Variants in GLRA1 observed in about 807,000 individuals in gnomAD.
GLRA1 encodes glycine receptor subunit alpha-1.
A neutral mutation model predicts 48.3 loss-of-function variants in GLRA1; 37 were observed. That is an observed-to-expected ratio of 0.77 (90% confidence interval 0.59 to 1.01). The LOEUF (loss-of-function observed/expected upper bound fraction) is 1.01, where lower values mean the gene tolerates loss of function less well. Among genes scored for constraint, GLRA1 ranks in the 50% least tolerant of loss-of-function variants. GLRA1 has a pLI of 0.00. For missense variants in GLRA1, 427 were observed against 571.0 expected (o/e 0.75, Z 2.57); for synonymous variants, 196 against 210.7 (o/e 0.93, Z 0.60).
intron 3 of GLRA1, among the ~76,000 whole-genome samples, chr5:151,881,192 C>T (rs114134237): frequency 6.6e-6 from 1 of 152,226 alleles, no homozygotes; most frequent in African/African-American, 2.4e-5. Flanking sequence ...CACACACTTA[C>T]ACACATTTGT....
intron 1 of GLRA1, among the ~76,000 whole-genome samples, chr5:151,911,600 G>GTTTTTTTT (rs768033241): frequency 8.7e-5 from 8 of 92,360 alleles, no homozygotes; most frequent in South Asian, 3.5e-4. Context: ...CCAAGCTAGA[G>GTTTTTTTT]TTTTTTTTTT....
chr5:151,919,954 C>A (rs1368850035), intron 1 of GLRA1, among the ~76,000 whole-genome samples: 6 of 152,220 alleles, frequency 3.9e-5, no homozygotes, highest in Admixed American at 3.9e-4. Flanking sequence ...TGTCGCAGGA[C>A]GCGCGAACAG....
chr5:151,873,547 C>G (rs989066023), intron 3 of GLRA1, among the ~76,000 whole-genome samples: 38 of 151,680 alleles, frequency 2.5e-4, no homozygotes, highest in African/African-American at 9.2e-4. Context: ...GTAATCCCAG[C>G]TACTCAGGAG....
rs1165309915 is a variant in GLRA1 at position 151,840,656 on chromosome 5, AAGT to A, written c.912+10731_912+10733del. Among the ~76,000 whole-genome samples, 21 of 152,146 alleles carry A rather than the reference AAGT, an allele frequency of 1.4e-4. No individual in the cohort carries two copies. In the South Asian group the frequency reaches 4.1e-3, roughly 30 times the overall value. On this transcript the variant is annotated intron_variant, in intron 7 of 8. Coordinates refer to ENST00000274576, the MANE Select transcript of GLRA1 (RefSeq NM_000171.4). The stretch of plus-strand genomic sequence containing the variant: ...AGATTCAAAGACACAACTAGGATAA[AAGT>A]AGAAGAATGGAAAAAACATACCATG...
At chr5:151,869,637 C>T (rs1189604588) in intron 3 of GLRA1, among the ~76,000 whole-genome samples, 1 of 149,622 alleles carries the variant, frequency 6.7e-6, no homozygotes, top group Non-Finnish European at 1.5e-5. Context: ...ACTGCTTGAA[C>T]CTGGAAGGTG....
At chr5:151,922,536 C>T (rs905753516) in intron 1 of GLRA1, among the ~76,000 whole-genome samples, 9 of 152,238 alleles carry the variant, frequency 5.9e-5, no homozygotes, top group Non-Finnish European at 1.3e-4. Context: ...ATTTCCAGCT[C>T]TCCACAGTTA....
At chr5:151,864,348 G>A (rs1340958080) in intron 3 of GLRA1, among the ~76,000 whole-genome samples, 2 of 152,194 alleles carry the variant, frequency 1.3e-5, no homozygotes, top group Non-Finnish European at 2.9e-5. Context: ...GGCAGCAGGC[G>A]CCGTTCTAGA....
chr5:151,888,823 G>A (rs1171966113), intron 2 of GLRA1, among the ~76,000 whole-genome samples: 1 of 152,190 alleles, frequency 6.6e-6, no homozygotes, highest in African/African-American at 2.4e-5. Flanking sequence ...AACTCATTTT[G>A]TCTTAAGCAG....
chr5:151,861,459 G>T (rs1286100335), intron 3 of GLRA1, among the ~76,000 whole-genome samples: 1 of 152,266 alleles, frequency 6.6e-6, no homozygotes, highest in Non-Finnish European at 1.5e-5. Flanking sequence ...GTTTTGATTT[G>T]CATTTCTCTG....
rs1753240864 is a variant in GLRA1 at position 151,862,864 on chromosome 5, A to G, written c.253-2856T>C. 1.3e-5 allele frequency among the ~76,000 whole-genome samples: 2 copies of G among 152,152 alleles called. 1 individual carries two copies. Among genetic ancestry groups the G allele is most frequent in the South Asian group, 4.1e-4 (2 of 4,822 alleles). ...CCTCCCACATTTTTTTTGTCTAGAT[A>G]AAGAGACTGAAGTCCAGGGAGAATT... On this transcript the variant is annotated intron_variant, in intron 3 of 8. Coordinates refer to ENST00000274576, the MANE Select transcript of GLRA1 (RefSeq NM_000171.4).
chr5:151,850,857 CT>C (rs1752886856), intron 7 of GLRA1: 2 of 674,214 alleles, frequency 3.0e-6, no homozygotes, highest in Non-Finnish European at 5.5e-6. Context: ...ACTCTTCCCC[CT>C]CTCCCAATTG....
At chr5:151,833,700 C>A in intron 7 of GLRA1, among the ~76,000 whole-genome samples, 1 of 150,966 alleles carries the variant, frequency 6.6e-6, no homozygotes, top group African/African-American at 2.4e-5. Flanking sequence ...TGACCTCAGG[C>A]TATCCACCTG....
At chr5:151,906,626 T>C (rs1036233520) in intron 1 of GLRA1, among the ~76,000 whole-genome samples, 11 of 152,192 alleles carry the variant, frequency 7.2e-5, no homozygotes, top group African/African-American at 2.7e-4. Context: ...CTTAATAAAA[T>C]AATTTTTTTG....
At chr5:151,830,497 G>C (rs559670777) in intron 7 of GLRA1, among the ~76,000 whole-genome samples, 49 of 152,202 alleles carry the variant, frequency 3.2e-4, no homozygotes, top group Non-Finnish European at 5.7e-4. Context: ...GAATTCCCGG[G>C]AAGACTTGAG....
At chr5:151,884,434 A>AAAACAAAACAAAACAAAACT (rs1459818370) in intron 3 of GLRA1, among the ~76,000 whole-genome samples, 1 of 151,812 alleles carries the variant, frequency 6.6e-6, no homozygotes, top group Non-Finnish European at 1.5e-5. Context: ...GTCTCAAAAC[A>AAAACAAAACAAAACAAAACT]AAACAAAACA....
chr5:151,823,364 T>C (rs897834944), intron 8 of GLRA1, among the ~76,000 whole-genome samples: 2 of 152,188 alleles, frequency 1.3e-5, no homozygotes, highest in Non-Finnish European at 2.9e-5. Flanking sequence ...CCATCAGAGG[T>C]TATAATTGAG....
intron 1 of GLRA1, among the ~76,000 whole-genome samples, chr5:151,910,644 T>G (rs28579965): frequency 0.019 from 2,832 of 152,282 alleles, 45 homozygotes; most frequent in South Asian, 0.072. Flanking sequence ...GGATGAATCA[T>G]TTTTCCCCTC....
At chr5:151,839,161 C>G (rs939551180) in intron 7 of GLRA1, among the ~76,000 whole-genome samples, 6 of 152,190 alleles carry the variant, frequency 3.9e-5, no homozygotes, top group African/African-American at 1.4e-4. Flanking sequence ...TTCTGTATCC[C>G]TTAAAAATGA....
At chr5:151,865,500 G>A (rs909671929) in intron 3 of GLRA1, among the ~76,000 whole-genome samples, 1 of 152,104 alleles carries the variant, frequency 6.6e-6, no homozygotes, top group African/African-American at 2.4e-5. Context: ...CACATGCAGG[G>A]TCTTGCAAGC....
Sources: allele counts gnomAD v4.1 joint callset (sites outside exome capture counted in the v4.1 genomes callset), GRCh38; gene constraint gnomAD v4.1.1; transcripts MANE v1.5; gene names NCBI Gene and HGNC (gene_info 2026-07-23, HGNC 2026-07-21).